The following CNOT6L variants were observed in gnomAD, a reference collection of about 807,000 sequenced individuals.
The protein encoded by CNOT6L is CCR4-NOT transcription complex subunit 6-like.
In CNOT6L, 7 loss-of-function variants were observed where a neutral mutation model predicts 64.0. The ratio of observed to expected loss-of-function variants is 0.11; its 90% CI spans 0.06 to 0.21. The LOEUF (loss-of-function observed/expected upper bound fraction) is 0.21. Ranked by LOEUF, CNOT6L falls within the 10% of genes least tolerant of loss-of-function variation. The pLI, the probability that CNOT6L is intolerant of heterozygous loss-of-function variation, is 1.00. For missense variants in CNOT6L, 245 were observed against 669.0 expected (o/e 0.37, Z 6.99); for synonymous variants, 193 against 243.4 (o/e 0.79, Z 1.93).
chr4:77,815,423 C>T (rs1184362949), intron 1 of CNOT6L, among the ~76,000 whole-genome samples: 1 of 152,072 alleles, frequency 6.6e-6, no homozygotes, highest in South Asian at 2.1e-4. Flanking sequence ...GAGAGCTTCC[C>T]CCTCCCACTC....
intron 4 of CNOT6L, among the ~76,000 whole-genome samples, chr4:77,764,795 T>C (rs1726639343): frequency 6.6e-6 from 1 of 152,158 alleles, no homozygotes; most frequent in South Asian, 2.1e-4. Context: ...CCCTAAAAGT[T>C]AGAAAGGAAT....
intron 1 of CNOT6L, among the ~76,000 whole-genome samples, chr4:77,799,647 T>C (rs1402518046): frequency 7.1e-6 from 1 of 139,912 alleles, no homozygotes; most frequent in Non-Finnish European, 1.5e-5. Context: ...GAGGTTGCAG[T>C]GAGCTGAGAT....
At chr4:77,813,521 A>G (rs1170927882) in intron 1 of CNOT6L, among the ~76,000 whole-genome samples, 1 of 152,180 alleles carries the variant, frequency 6.6e-6, no homozygotes, top group African/African-American at 2.4e-5. Context: ...AATCATATAT[A>G]AGGGACACAT....
chr4:77,720,951 A>T (rs1004076824), intron 11 of CNOT6L, among the ~76,000 whole-genome samples: 1 of 152,228 alleles, frequency 6.6e-6, no homozygotes, highest in Non-Finnish European at 1.5e-5. Flanking sequence ...GTGAAATCCA[A>T]CATATCAGTA....
At chr4:77,751,338 T>C (rs1451855368) in intron 5 of CNOT6L, among the ~76,000 whole-genome samples, 1 of 151,934 alleles carries the variant, frequency 6.6e-6, no homozygotes, top group African/African-American at 2.4e-5. Context: ...GAACTTAGTC[T>C]GAAAAACAAA....
At chr4:77,765,396 C>T (rs191479026) in intron 4 of CNOT6L, among the ~76,000 whole-genome samples, 1 of 152,126 alleles carries the variant, frequency 6.6e-6, no homozygotes, top group Admixed American at 6.5e-5. Flanking sequence ...CAAAAGTTCT[C>T]ATAACTAAAA....
intron 8 of CNOT6L, among the ~76,000 whole-genome samples, chr4:77,738,017 T>C (rs76009988): frequency 0.014 from 2,135 of 152,194 alleles, 41 homozygotes; most frequent in African/African-American, 0.048. Flanking sequence ...CTGTACCATT[T>C]TGGAATGATA....
chr4:77,782,007 T>A (rs1728909331), intron 1 of CNOT6L, among the ~76,000 whole-genome samples: 1 of 152,158 alleles, frequency 6.6e-6, no homozygotes, highest in African/African-American at 2.4e-5. Context: ...CTGGCAGAGT[T>A]CCTAAAATTG....
At chr4:77,762,595 A>T (rs1370949461) in intron 4 of CNOT6L, among the ~76,000 whole-genome samples, 8 of 152,198 alleles carry the variant, frequency 5.3e-5, no homozygotes, top group Admixed American at 5.2e-4. Flanking sequence ...AAACTATAAA[A>T]TTTCAAAAAA....
At chr4:77,800,399 C>A (rs530607479) in intron 1 of CNOT6L, among the ~76,000 whole-genome samples, 1 of 151,796 alleles carries the variant, frequency 6.6e-6, no homozygotes, top group Non-Finnish European at 1.5e-5. Flanking sequence ...TGAGTGAGCA[C>A]CAGCTTCTTG....
chr4:77,774,336 A>G (rs1023611208), intron 3 of CNOT6L, among the ~76,000 whole-genome samples, 194 bp downstream of exon 3: 4 of 152,106 alleles, frequency 2.6e-5, no homozygotes, highest in Non-Finnish European at 4.4e-5. Flanking sequence ...ATACAAGCAC[A>G]CTCTAATTCA....
intron 1 of CNOT6L, among the ~76,000 whole-genome samples, chr4:77,815,118 A>G (rs1319309242): frequency 1.3e-5 from 2 of 152,190 alleles, no homozygotes; most frequent in Admixed American, 6.5e-5. Flanking sequence ...GTATAAAGTA[A>G]TCTTCATCAC....
At chr4:77,731,255 C>T (rs1722416022) in intron 9 of CNOT6L, 132 bp downstream of exon 9, 1 of 730,788 alleles carries the variant, frequency 1.4e-6, no homozygotes, top group Non-Finnish European at 2.2e-6. Context: ...TTTTCCTGCC[C>T]ATCTCCCTTA....
At chr4:77,808,752 CTATCTCCTCTCT>C (rs1437881092) in intron 1 of CNOT6L, among the ~76,000 whole-genome samples, 1 of 152,090 alleles carries the variant, frequency 6.6e-6, no homozygotes, top group Non-Finnish European at 1.5e-5. Flanking sequence ...AGAGCAACAT[CTATCTCCTCTCT>C]TACTTATCCC....
chr4:77,812,843 C>A (rs1733111606), intron 1 of CNOT6L, among the ~76,000 whole-genome samples: 1 of 151,912 alleles, frequency 6.6e-6, no homozygotes, highest in Non-Finnish European at 1.5e-5. Flanking sequence ...GATATGGAAA[C>A]ACAAGAGATT....
At chr4:77,820,025 T>TGGCCTTGGCCTC (rs1390032715), upstream of CNOT6L, among the ~76,000 whole-genome samples, 3 of 151,888 alleles carry the variant, frequency 2.0e-5, no homozygotes, top group Non-Finnish European at 4.4e-5. Flanking sequence ...AGCCTGGCCT[T>TGGCCTTGGCCTC]GGCCTTGGCC....
chr4:77,797,043 G>A (rs541992442), intron 1 of CNOT6L, among the ~76,000 whole-genome samples: 55 of 132,608 alleles, frequency 4.1e-4, no homozygotes, highest in African/African-American at 1.2e-3. Flanking sequence ...TGATGGTGCC[G>A]CTGCAGTGAG....
At chr4:77,763,499 C>A (rs982678756) in intron 4 of CNOT6L, among the ~76,000 whole-genome samples, 3 of 151,872 alleles carry the variant, frequency 2.0e-5, no homozygotes, top group Non-Finnish European at 4.4e-5. Flanking sequence ...ATAAAATAAA[C>A]CCAAGATATG....
At chr4:77,736,657 C>A (rs1045056101) in intron 8 of CNOT6L, among the ~76,000 whole-genome samples, 2 of 152,082 alleles carry the variant, frequency 1.3e-5, no homozygotes, top group Admixed American at 1.3e-4. Context: ...ACTTTCCAAT[C>A]ATTGTTCCAA....
Sources: allele counts gnomAD v4.1 joint callset (sites outside exome capture counted in the v4.1 genomes callset), GRCh38; gene constraint gnomAD v4.1.1; transcripts MANE v1.5; gene names NCBI Gene and HGNC (gene_info 2026-07-23, HGNC 2026-07-21).